MYOM2: variants seen among roughly 807,000 people sequenced by gnomAD.
MYOM2 encodes myomesin-2.
Under a neutral mutation model 187.6 loss-of-function variants are expected in MYOM2, and 254 were observed. The observed-to-expected ratio is 1.35, with a 90% CI of 1.22 to 1.50. The LOEUF (loss-of-function observed/expected upper bound fraction) is 1.50, where lower values mean the gene tolerates loss of function less well. Among genes scored for constraint, MYOM2 ranks in the 40% most tolerant of loss-of-function variants. The probability of loss-of-function intolerance (pLI) is 0.00; values close to 1 mark genes in which losing one functional copy is unlikely to be tolerated. For missense variants in MYOM2, 2,796 were observed against 1,924.0 expected, an observed-to-expected ratio of 1.45 and a Z score of -8.48; for synonymous variants, 981 against 753.8, an observed-to-expected ratio of 1.30 and a Z score of -4.94.
At chr8:2,116,368 A>G (rs1563066447) in intron 27 of MYOM2, 93 bp downstream of exon 27, 1 of 1,250,922 alleles carries the variant, frequency 8.0e-7, no homozygotes, top group East Asian at 2.5e-5. Context: ...CATGATCCCA[A>G]GCAACCCTAA....
chr8:2,086,711 T>C (rs964372804), intron 14 of MYOM2, among the ~76,000 whole-genome samples: 7 of 152,214 alleles, frequency 4.6e-5, no homozygotes, highest in African/African-American at 1.7e-4. Flanking sequence ...GGGAGTCGCT[T>C]CCCTCTCTGG....
chr8:2,049,193 G>A (rs1818404479), intron 1 of MYOM2, among the ~76,000 whole-genome samples: 1 of 152,182 alleles, frequency 6.6e-6, no homozygotes, highest in Non-Finnish European at 1.5e-5. Flanking sequence ...AGGGTGGGGT[G>A]GTTGGTCGAC....
chr8:2,144,594 C>T (rs1468988289), intron 36 of MYOM2, 70 bp from the exon 37 acceptor site: 4 of 1,491,572 alleles, frequency 2.7e-6, no homozygotes, highest in Admixed American at 2.0e-5. Flanking sequence ...CTGGAGCCCA[C>T]CGTCCGAGGG....
At chr8:2,049,852 A>G (rs1430803767) in intron 1 of MYOM2, among the ~76,000 whole-genome samples, 3 of 152,152 alleles carry the variant, frequency 2.0e-5, no homozygotes, top group African/African-American at 7.2e-5. Flanking sequence ...GTAATGCTGC[A>G]AGTTCCCAGA....
At chr8:2,134,316 C>T (rs1797982792) in intron 32 of MYOM2, among the ~76,000 whole-genome samples, 3 of 152,150 alleles carry the variant, frequency 2.0e-5, no homozygotes, top group Admixed American at 2.0e-4. Flanking sequence ...GCACGCCCCT[C>T]TGTCTGGGTT....
intron 15 of MYOM2, among the ~76,000 whole-genome samples, chr8:2,091,590 A>T (rs1585889311): frequency 6.6e-6 from 1 of 152,298 alleles, no homozygotes; most frequent in South Asian, 2.1e-4. Context: ...TTCCTGAGAA[A>T]GCCAGATACG....
intron 31 of MYOM2, among the ~76,000 whole-genome samples, chr8:2,125,571 C>A (rs1344253864): frequency 6.8e-6 from 1 of 147,224 alleles, no homozygotes; most frequent in African/African-American, 2.5e-5. Flanking sequence ...TAGAGGCTTT[C>A]CTAGTTGCAT....
chr8:2,138,255 G>A (rs1798149972), intron 32 of MYOM2, among the ~76,000 whole-genome samples: 1 of 152,174 alleles, frequency 6.6e-6, no homozygotes, highest in African/African-American at 2.4e-5. Context: ...CTCTCGGCCC[G>A]GCCGGCTCTG....
At chr8:2,058,475 G>T (rs4875923) in intron 5 of MYOM2, among the ~76,000 whole-genome samples, 107,072 of 152,112 alleles carry the variant, frequency 0.7, 38,702 homozygotes, top group East Asian at 0.97. Context: ...AAAGTTTTGG[G>T]ACTGCAGATC....
chr8:2,096,841 C>T (rs949165113), intron 18 of MYOM2, among the ~76,000 whole-genome samples: 15 of 152,146 alleles, frequency 9.9e-5, no homozygotes, highest in African/African-American at 3.6e-4. Flanking sequence ...CTGCTTGTCA[C>T]CCACCATTTC....
Position 2,102,570 on chromosome 8 carries a change from A to T in MYOM2, c.2620-97A>T, listed in dbSNP as rs1425239125. ...ATTTTCCTAACTGGAAAAATAAGCT[A>T]TTTTTGAAAAGGCCCTATTCACAAT... On this transcript the variant is annotated intron_variant, in intron 20 of 36. Transcript: ENST00000262113. 8.5e-6 allele frequency: 6 copies of T among 709,032 alleles called. No individual in the cohort carries two copies. The African/African-American group carries it at 8.9e-5, about 10-fold the overall frequency. 43.9% of individuals were successfully genotyped at this position (709,032 alleles called of 1,614,324 possible).
intron 32 of MYOM2, among the ~76,000 whole-genome samples, chr8:2,136,500 C>A (rs1048139658): frequency 6.6e-6 from 1 of 152,156 alleles, no homozygotes; most frequent in African/African-American, 2.4e-5. Flanking sequence ...TGTTCTTCCC[C>A]CAGATTGTGT....
chr8:2,122,708 T>C (rs992076953), intron 28 of MYOM2, among the ~76,000 whole-genome samples: 3 of 152,238 alleles, frequency 2.0e-5, no homozygotes, highest in Admixed American at 6.5e-5. Context: ...CTCATTTATC[T>C]TCGGAGTTCC....
Position 2,056,199 on chromosome 8 carries a change from G to C in MYOM2, c.264-1149G>C, listed in dbSNP as rs137890910. On this transcript the variant is annotated intron_variant, in intron 3 of 36. Transcript: ENST00000262113. ...GGAGGTCTGGCGTTCAAGACACAGGGGAGAGGATTAGGGATGGCTCCGTGG... is the reference window on the plus strand; with the variant it reads ...GGAGGTCTGGCGTTCAAGACACAGGCGAGAGGATTAGGGATGGCTCCGTGG... Among the ~76,000 whole-genome samples the C allele has an allele frequency of 2.6e-3, 400 of 152,320 alleles. 1 individual carries two copies. Among genetic ancestry groups the C allele is most frequent in the African/African-American group, 9.2e-3 (382 of 41,554 alleles).
intron 32 of MYOM2, among the ~76,000 whole-genome samples, chr8:2,137,122 A>T (rs1047807742): frequency 6.6e-6 from 1 of 151,198 alleles, no homozygotes; most frequent in African/African-American, 2.4e-5. Flanking sequence ...ATCTTCGTCT[A>T]TACATCTAGG....
intron 1 of MYOM2, among the ~76,000 whole-genome samples, chr8:2,050,165 C>G (rs981743988): frequency 3.9e-5 from 6 of 152,284 alleles, no homozygotes; most frequent in Middle Eastern, 3.4e-3. Context: ...CACACCCACC[C>G]CTGCAAGTCT....
chr8:2,087,101 T>C (rs1414975655), intron 14 of MYOM2, among the ~76,000 whole-genome samples: 1 of 152,246 alleles, frequency 6.6e-6, no homozygotes, highest in Non-Finnish European at 1.5e-5. Context: ...GCACAGGTTG[T>C]GACCCACTAA....
chr8:2,137,714 T>A (rs1389127994), intron 32 of MYOM2, among the ~76,000 whole-genome samples: 4 of 152,196 alleles, frequency 2.6e-5, no homozygotes, highest in Non-Finnish European at 5.9e-5. Context: ...TGGAACCCTG[T>A]TTCCTTGGAT....
intron 12 of MYOM2, 84 bp downstream of exon 12, chr8:2,079,017 A>G: frequency 7.5e-7 from 1 of 1,335,608 alleles, no homozygotes; most frequent in Non-Finnish European, 1.1e-6. Flanking sequence ...TTCCCTCCCA[A>G]CTCGATGTGA....
Sources: allele counts gnomAD v4.1 joint callset (sites outside exome capture counted in the v4.1 genomes callset), GRCh38; gene constraint gnomAD v4.1.1; transcripts MANE v1.5; gene names NCBI Gene and HGNC (gene_info 2026-07-23, HGNC 2026-07-21).